The following THEMIS variants were observed in gnomAD, a reference collection of about 807,000 sequenced individuals.
THEMIS encodes protein THEMIS.
Under a neutral mutation model 52.6 loss-of-function variants are expected in THEMIS, and 37 were observed. That is an observed-to-expected ratio of 0.70 (90% CI 0.54 to 0.93). The LOEUF (loss-of-function observed/expected upper bound fraction) is 0.93. Among genes scored for constraint, THEMIS ranks in the 40% least tolerant of loss-of-function variants. The probability of loss-of-function intolerance (pLI) is 0.00; values close to 1 mark genes in which losing one functional copy is unlikely to be tolerated. For missense variants in THEMIS, 808 were observed against 763.1 expected (o/e 1.06, Z -0.69); for synonymous variants, 292 against 272.7 (o/e 1.07, Z -0.70).
chr6:127,815,689 T>G (rs2114615243), intron 3 of THEMIS, among the ~76,000 whole-genome samples: 1 of 152,334 alleles, frequency 6.6e-6, no homozygotes, highest in South Asian at 2.1e-4. Context: ...CTGGCTTCCC[T>G]GAACCTCAAG....
At chr6:127,851,482 A>G (rs1779423085) in intron 2 of THEMIS, among the ~76,000 whole-genome samples, 1 of 146,338 alleles carries the variant, frequency 6.8e-6, no homozygotes, top group East Asian at 1.9e-4. Flanking sequence ...AGAATTCTTA[A>G]AACATAACAA....
At chr6:127,754,117 AT>A (rs1405839690) in intron 4 of THEMIS, among the ~76,000 whole-genome samples, 1 of 152,092 alleles carries the variant, frequency 6.6e-6, no homozygotes, top group African/African-American at 2.4e-5. Flanking sequence ...AAGTTGCTTA[AT>A]ATTTATTTCA....
chr6:127,858,713 C>A (rs1583362046), intron 1 of THEMIS, among the ~76,000 whole-genome samples: 3 of 151,992 alleles, frequency 2.0e-5, no homozygotes, highest in African/African-American at 7.2e-5. Flanking sequence ...ATTAAAATGG[C>A]TTTCATTTCA....
intron 4 of THEMIS, among the ~76,000 whole-genome samples, chr6:127,787,880 T>TAGATATAGATAGATAGATAG (rs200767496): frequency 5.0e-5 from 6 of 119,908 alleles, no homozygotes; most frequent in South Asian, 2.7e-4. Context: ...GATAGATAGA[T>TAGATATAGATAGATAGATAG]ATAGATAGAT....
At chr6:127,698,980 G>T in the THEMIS span, among the ~76,000 whole-genome samples, 1 of 151,810 alleles carries the variant, frequency 6.6e-6, no homozygotes. Context: ...CTTAAGTTTT[G>T]CAGCTGATAC....
rs777510491 is a variant in THEMIS, at chr6:127,708,209, G to C, written c.*1776C>G. 1 of 152,018 alleles carries C rather than the reference G, an allele frequency of 6.6e-6. No homozygotes were observed. Among genetic ancestry groups the C allele is most frequent in the South Asian group, 2.1e-4 (1 of 4,824 alleles). 9.4% of individuals were successfully genotyped at this position (152,018 alleles called of 1,614,324 possible). A position where few individuals can be genotyped will look rare whatever the true frequency, so the allele number is the denominator to read the frequency against. On this transcript the variant is annotated 3_prime_UTR_variant, in exon 6 of 6. Coordinates refer to ENST00000368248, the MANE Select transcript of THEMIS (RefSeq NM_001010923.3). ...AGAGAACACATACAAATAAAAATTA[G>C]GAAGTTTATTTTCAACCTTCCCAAA... is the stretch of plus-strand genomic sequence containing the variant.
chr6:127,895,407 A>G (rs1304361067), intron 1 of THEMIS, among the ~76,000 whole-genome samples: 1 of 151,606 alleles, frequency 6.6e-6, no homozygotes, highest in African/African-American at 2.4e-5. Context: ...CAGTGAAATA[A>G]AAAATATAAA....
rs534370419 is a variant in THEMIS, at chr6:127,855,255, A to C, written c.92-67T>G. The C allele has an allele frequency of 5.2e-6, 7 of 1,336,516 alleles. No homozygotes were observed. The East Asian group carries it at 1.7e-4, about 33-fold the overall frequency. 82.8% of individuals were successfully genotyped at this position (1,336,516 alleles called of 1,614,324 possible). ...ACAGTGAAAAACAAAGTAGACTCAA[A>C]AGCTTAATATAAAGTGTTTTAATTC... On this transcript the variant is annotated intron_variant, in intron 1 of 5. Transcript: ENST00000368248.
At chr6:127,897,811 G>A (rs1039548213) in intron 1 of THEMIS, among the ~76,000 whole-genome samples, 14 of 151,468 alleles carry the variant, frequency 9.2e-5, no homozygotes, top group Non-Finnish European at 1.8e-4. Context: ...GCATATACAC[G>A]TAGGCACACA....
chr6:127,777,188 GT>G (rs1047703562), intron 4 of THEMIS, among the ~76,000 whole-genome samples: 50 of 138,020 alleles, frequency 3.6e-4, no homozygotes, highest in Middle Eastern at 3.9e-3. Context: ...AACACCTTGG[GT>G]TTTTTTTTTT....
intron 1 of THEMIS, among the ~76,000 whole-genome samples, chr6:127,914,573 A>G (rs1380685145): frequency 6.6e-6 from 1 of 152,218 alleles, no homozygotes. Flanking sequence ...TACTGTCTGA[A>G]TGATGTAGGC....
chr6:127,862,428 A>ATTTTTTTT lies in THEMIS; in HGVS notation c.92-7248_92-7241dup, dbSNP rs71028110. Among the ~76,000 whole-genome samples, 169 of 72,764 alleles carry ATTTTTTTT rather than the reference A, an allele frequency of 2.3e-3. 16 individuals carry two copies. The highest frequency in any genetic ancestry group is 3.7e-3 in the Non-Finnish European group (132 of 35,404). 47.7% of individuals were successfully genotyped at this position (72,764 alleles called of 152,430 possible). On this transcript the variant is annotated intron_variant, in intron 1 of 5. Coordinates refer to ENST00000368248, the MANE Select transcript of THEMIS (RefSeq NM_001010923.3). ...GCAGGTGAAATCTCCTAGGGAGTAA[A>ATTTTTTTT]TTTTTTTTTTTTTTTTTTTTTTGCT...
rs945312243 is a variant in THEMIS, at chr6:127,719,625, G to A, written c.1894+63C>T. ...AAATAATAGTAAGAATCTGTCCATT[G>A]CACCTTTGTCATGTGGACAGTTAAA... On this transcript the variant is annotated intron_variant, in intron 5 of 5. Transcript: ENST00000368248. 21 of 1,438,430 alleles carry A rather than the reference G, an allele frequency of 1.5e-5. No individual in the cohort carries two copies. In the African/African-American group the frequency reaches 2.9e-4, roughly 20 times the overall value. The allele number at this position is 1,438,430 out of a possible 1,614,324, so 89.1% of individuals were successfully genotyped here.
intron 5 of THEMIS, among the ~76,000 whole-genome samples, chr6:127,716,744 T>C (rs886528013): frequency 1.3e-5 from 2 of 151,840 alleles, no homozygotes; most frequent in Non-Finnish European, 2.9e-5. Context: ...TTAACACATG[T>C]TATTACTAAA....
chr6:127,887,211 G>A (rs1166018469), intron 1 of THEMIS, among the ~76,000 whole-genome samples: 1 of 151,998 alleles, frequency 6.6e-6, no homozygotes, highest in Non-Finnish European at 1.5e-5. Context: ...ATTAAAAATG[G>A]GTGAATGATT....
intron 1 of THEMIS, among the ~76,000 whole-genome samples, chr6:127,883,944 C>A (rs1780566703): frequency 1.3e-5 from 2 of 152,076 alleles, no homozygotes; most frequent in South Asian, 4.1e-4. Context: ...TATGTGCTTA[C>A]ACACCCAAAT....
chr6:127,807,521 T>C (rs1777759746), intron 4 of THEMIS, among the ~76,000 whole-genome samples: 1 of 152,160 alleles, frequency 6.6e-6, no homozygotes, highest in Non-Finnish European at 1.5e-5. Flanking sequence ...AAAAACCCAA[T>C]ATTTAAATAT....
chr6:127,885,802 AC>A (rs1365522319), intron 1 of THEMIS, among the ~76,000 whole-genome samples: 2 of 152,130 alleles, frequency 1.3e-5, no homozygotes, highest in Non-Finnish European at 2.9e-5. Context: ...GTTAAACACA[AC>A]TATGCTTTGA....
chr6:127,734,074 A>G (rs1270045041), intron 4 of THEMIS, among the ~76,000 whole-genome samples: 1 of 152,214 alleles, frequency 6.6e-6, no homozygotes, highest in African/African-American at 2.4e-5. Context: ...GGTAAACTCT[A>G]TAAAACAAAT....
Sources: gnomAD v4.1 joint callset for allele counts (sites outside exome capture counted in the v4.1 genomes callset) on GRCh38, gnomAD v4.1.1 for gene constraint, MANE v1.5 for transcripts, NCBI Gene and HGNC (gene_info 2026-07-23, HGNC 2026-07-21) for gene names.